The following GLIS3 variants were observed in gnomAD, a reference collection of about 807,000 sequenced individuals.
The protein encoded by GLIS3 is GLIS family zinc finger 3.
Under a neutral mutation model 78.6 loss-of-function variants are expected in GLIS3, and 53 were observed. The ratio of observed to expected loss-of-function variants is 0.67; its 90% CI spans 0.54 to 0.85. The LOEUF (loss-of-function observed/expected upper bound fraction) is 0.85, where lower values mean the gene tolerates loss of function less well. Among genes scored for constraint, GLIS3 ranks in the 40% least tolerant of loss-of-function variants. The pLI, the probability that GLIS3 is intolerant of heterozygous loss-of-function variation, is 0.00. For synonymous variants in GLIS3, 684 were observed against 509.9 expected, an observed-to-expected ratio of 1.34 and a Z score of -4.60; for missense variants, 1,703 against 1,231.1, an observed-to-expected ratio of 1.38 and a Z score of -5.74.
intron 2 of GLIS3, among the ~76,000 whole-genome samples, chr9:4,215,612 A>G (rs1563769680): frequency 6.6e-6 from 1 of 152,228 alleles, no homozygotes; most frequent in Non-Finnish European, 1.5e-5. Context: ...GCCTGGGTCT[A>G]TTCCACAGAA....
chr9:4,269,021 C>T (rs559113669), intron 2 of GLIS3, among the ~76,000 whole-genome samples: 1 of 152,362 alleles, frequency 6.6e-6, no homozygotes, highest in South Asian at 2.1e-4. Flanking sequence ...CCATAGCAGC[C>T]TCTTTCCCTG....
chr9:4,131,136 G>C (rs1832945209), intron 2 of GLIS3, among the ~76,000 whole-genome samples: 2 of 152,180 alleles, frequency 1.3e-5, no homozygotes, highest in African/African-American at 4.8e-5. Flanking sequence ...GAATGGGAAT[G>C]TTTACCCAAT....
At chr9:4,284,469 A>G (rs980298444) in intron 2 of GLIS3, among the ~76,000 whole-genome samples, 4 of 152,172 alleles carry the variant, frequency 2.6e-5, no homozygotes, top group South Asian at 2.1e-4. Context: ...TTGCCACATC[A>G]TGGACATAGC....
At position 4,051,933 on chromosome 9, in the gene GLIS3, G is replaced by A. The variant is rs549045788; in HGVS notation, c.1710+65835C>T. ...TGATACATACATGTCGAATGTCTAT[G>A]TATCATGCGTATATACAGGGGCTGA... On this transcript the variant is annotated intron_variant, in intron 4 of 10. Transcript: ENST00000381971. Among the ~76,000 whole-genome samples, 40 of 152,330 alleles carry A rather than the reference G, an allele frequency of 2.6e-4. No homozygotes were observed. The South Asian group carries it at 7.3e-3, about 28-fold the overall frequency.
At position 4,196,475 on chromosome 9, in the gene GLIS3, C is replaced by T. The variant is rs557247745; in HGVS notation, c.389-70534G>A. Among the ~76,000 whole-genome samples the T allele has an allele frequency of 3.9e-5, 6 of 152,354 alleles. No homozygotes were observed. The East Asian group carries it at 9.6e-4, about 25-fold the overall frequency. ...TGCTGCTCCTCACTATTTGGGTCCG[C>T]ACTGCCTTTATGAGCTGTAACCCTC... is the stretch of plus-strand genomic sequence containing the variant. On this transcript the variant is annotated intron_variant, in intron 2 of 10. Coordinates refer to ENST00000381971, the MANE Select transcript of GLIS3 (RefSeq NM_001042413.2).
intron 4 of GLIS3, among the ~76,000 whole-genome samples, chr9:3,986,130 G>A (rs534453838): frequency 6.6e-6 from 1 of 152,312 alleles, no homozygotes; most frequent in African/African-American, 2.4e-5. Context: ...ATATCTTAGA[G>A]CCACTGGGTT....
At chr9:4,297,443 G>A (rs1816640092) in intron 1 of GLIS3, among the ~76,000 whole-genome samples, 1 of 152,076 alleles carries the variant, frequency 6.6e-6, no homozygotes, top group Non-Finnish European at 1.5e-5. Flanking sequence ...CGAGATTCCC[G>A]GCCCCATACT....
chr9:3,839,581 G>T (rs1004997240), intron 9 of GLIS3, among the ~76,000 whole-genome samples: 19 of 141,586 alleles, frequency 1.3e-4, no homozygotes, highest in Admixed American at 4.1e-4. Context: ...CAAGTTTACA[G>T]CCAAAAAAAA....
chr9:4,166,099 C>T (rs1797003374), intron 2 of GLIS3, among the ~76,000 whole-genome samples: 1 of 152,184 alleles, frequency 6.6e-6, no homozygotes, highest in South Asian at 2.1e-4. Flanking sequence ...CTTCTCTGCA[C>T]CTCAATTACT....
intron 8 of GLIS3, among the ~76,000 whole-genome samples, chr9:3,860,784 C>T (rs919588027): frequency 6.6e-6 from 1 of 152,168 alleles, no homozygotes; most frequent in Non-Finnish European, 1.5e-5. Context: ...TTCTAAAGTC[C>T]ATGGTGACAT....
intron 4 of GLIS3, chr9:4,071,660 A>T (rs1827625241): frequency 6.6e-6 from 1 of 152,186 alleles, no homozygotes; most frequent in African/African-American, 2.4e-5. Flanking sequence ...ACCCTTTAGG[A>T]GCTCTTACTA....
intron 4 of GLIS3, among the ~76,000 whole-genome samples, chr9:4,010,619 C>A (rs541197896): frequency 6.6e-6 from 1 of 152,124 alleles, no homozygotes; most frequent in Non-Finnish European, 1.5e-5. Flanking sequence ...CAGACTTTCC[C>A]GTGAAAATCG....
chr9:4,253,574 C>G (rs1824608270), intron 2 of GLIS3, among the ~76,000 whole-genome samples: 1 of 152,218 alleles, frequency 6.6e-6, no homozygotes, highest in African/African-American at 2.4e-5. Context: ...TGAGCTAGAC[C>G]ACTTGTCTCC....
At chr9:4,450,069 G>C in the GLIS3 span, among the ~76,000 whole-genome samples, 1 of 152,042 alleles carries the variant, frequency 6.6e-6, no homozygotes, top group Admixed American at 6.6e-5. Context: ...AAGGATGTTT[G>C]GACCCATCAC....
intron 4 of GLIS3, among the ~76,000 whole-genome samples, chr9:4,056,867 GT>G (rs1276308144): frequency 1.4e-5 from 2 of 145,482 alleles, no homozygotes; most frequent in Admixed American, 1.4e-4. Context: ...TCATCTTTGG[GT>G]AATAGAAAAA....
rs1477175301 is a variant in GLIS3 at position 4,232,399 on chromosome 9, A to G, written c.388+53639T>C. Among the ~76,000 whole-genome samples the G allele has an allele frequency of 4.0e-5, 6 of 149,904 alleles. No homozygotes were observed. The East Asian group carries it at 7.7e-4, about 19-fold the overall frequency. On this transcript the variant is annotated intron_variant, in intron 2 of 10. Coordinates refer to ENST00000381971, the MANE Select transcript of GLIS3 (RefSeq NM_001042413.2). ...TTGTCTCTTAAAAAAAAAAAAAAAAAAAGAAAAGAAAAAAAAAGAAAGAAA... is the reference window on the plus strand; with the variant it reads ...TTGTCTCTTAAAAAAAAAAAAAAAAGAAGAAAAGAAAAAAAAAGAAAGAAA...
At chr9:4,111,858 G>A in intron 4 of GLIS3, among the ~76,000 whole-genome samples, 1 of 152,198 alleles carries the variant, frequency 6.6e-6, no homozygotes, top group East Asian at 1.9e-4. Context: ...CACTGGTGGT[G>A]TTTCAGCCTC....
chr9:4,445,307 G>C, the GLIS3 span, among the ~76,000 whole-genome samples: 1 of 152,196 alleles, frequency 6.6e-6, no homozygotes, highest in Non-Finnish European at 1.5e-5. Flanking sequence ...GTCATAGAGT[G>C]ATGAAGCAGG....
chr9:4,277,668 A>G (rs528628774), intron 2 of GLIS3, among the ~76,000 whole-genome samples: 2 of 152,332 alleles, frequency 1.3e-5, no homozygotes, highest in African/African-American at 4.8e-5. Context: ...GAAATGTCAG[A>G]AGCCCTGAAG....
Sources: gnomAD v4.1 joint callset for allele counts (sites outside exome capture counted in the v4.1 genomes callset) on GRCh38, gnomAD v4.1.1 for gene constraint, MANE v1.5 for transcripts, NCBI Gene and HGNC (gene_info 2026-07-23, HGNC 2026-07-21) for gene names.